Variants in ADAMTS17 observed in about 807,000 individuals in gnomAD.
ADAMTS17 encodes ADAM metallopeptidase with thrombospondin type 1 motif 17.
Under a neutral mutation model 141.5 loss-of-function variants are expected in ADAMTS17, and 113 were observed. That is an observed-to-expected ratio of 0.80 (90% CI 0.69 to 0.93). ADAMTS17 has a LOEUF of 0.93. Ranked by LOEUF, ADAMTS17 falls within the 40% of genes least tolerant of loss-of-function variation. The pLI, the probability that ADAMTS17 is intolerant of heterozygous loss-of-function variation, is 0.00. For synonymous variants in ADAMTS17, 768 were observed against 630.6 expected (o/e 1.22, Z -3.27); for missense variants, 1,659 against 1,517.9 (o/e 1.09, Z -1.54).
chr15:100,339,209 G>A (rs925348622), intron 2 of ADAMTS17: 17 of 976,326 alleles, frequency 1.7e-5, no homozygotes, highest in East Asian at 2.3e-4. Flanking sequence ...CAGTCTTGCC[G>A]AGAAGCTGGC....
intron 4 of ADAMTS17, among the ~76,000 whole-genome samples, chr15:100,270,976 C>A (rs974453891): frequency 1.3e-5 from 2 of 151,824 alleles, no homozygotes; most frequent in Admixed American, 1.3e-4. Flanking sequence ...ATTCACTACC[C>A]TACGTAAGTG....
chr15:100,213,577 G>A (rs964056988), intron 7 of ADAMTS17, among the ~76,000 whole-genome samples: 3 of 152,132 alleles, frequency 2.0e-5, no homozygotes, highest in East Asian at 1.9e-4. Context: ...ACTCTCTCTC[G>A]GTCTAACATA....
At chr15:100,165,514 T>C (rs1388659493) in intron 8 of ADAMTS17, among the ~76,000 whole-genome samples, 5 of 152,262 alleles carry the variant, frequency 3.3e-5, no homozygotes, top group South Asian at 4.1e-4. Context: ...CTTCCCACAA[T>C]GTCCTCACTG....
intron 7 of ADAMTS17, among the ~76,000 whole-genome samples, chr15:100,220,478 T>G (rs2042100138): frequency 6.6e-6 from 1 of 152,196 alleles, no homozygotes; most frequent in South Asian, 2.1e-4. Flanking sequence ...ACTGATAATA[T>G]TTTCTCCCAT....
At chr15:100,090,989 CAG>C (rs1483888206) in intron 15 of ADAMTS17, among the ~76,000 whole-genome samples, 4 of 127,390 alleles carry the variant, frequency 3.1e-5, no homozygotes, top group African/African-American at 1.2e-4. Context: ...GCCTGGGAGG[CAG>C]AGTGAGACTC....
intron 7 of ADAMTS17, among the ~76,000 whole-genome samples, chr15:100,202,018 A>C (rs1290819039): frequency 6.6e-6 from 1 of 152,206 alleles, no homozygotes; most frequent in African/African-American, 2.4e-5. Flanking sequence ...AATTAGAAAC[A>C]ATCAGATCTG....
intron 12 of ADAMTS17, among the ~76,000 whole-genome samples, chr15:100,120,662 C>A (rs2037406061): frequency 6.6e-6 from 1 of 152,232 alleles, no homozygotes; most frequent in Non-Finnish European, 1.5e-5. Context: ...CCTGATAAGA[C>A]CTTCAGCTTT....
chr15:100,272,430 T>C (rs1472985008), intron 4 of ADAMTS17, among the ~76,000 whole-genome samples: 4 of 151,934 alleles, frequency 2.6e-5, no homozygotes, highest in Non-Finnish European at 5.9e-5. Context: ...AATTCCTAAG[T>C]ATTTTATTCT....
At chr15:100,335,754 A>G (rs1008089471) in intron 2 of ADAMTS17, among the ~76,000 whole-genome samples, 2 of 152,158 alleles carry the variant, frequency 1.3e-5, no homozygotes, top group African/African-American at 4.8e-5. Flanking sequence ...CATTCTACCA[A>G]CAGCCTTGCA....
intron 15 of ADAMTS17, chr15:100,063,904 T>G (rs961001106): frequency 4.2e-5 from 20 of 474,252 alleles, no homozygotes; most frequent in African/African-American, 4.0e-4. Context: ...GAGGCTCTCC[T>G]AAGGCCAGGA....
At chr15:100,021,388 C>G (rs564705367) in intron 18 of ADAMTS17, among the ~76,000 whole-genome samples, 1 of 152,178 alleles carries the variant, frequency 6.6e-6, no homozygotes, top group Non-Finnish European at 1.5e-5. Flanking sequence ...CCAACCACCA[C>G]GAAGGATCTC....
intron 7 of ADAMTS17, among the ~76,000 whole-genome samples, chr15:100,206,640 G>A (rs2041576996): frequency 6.6e-6 from 1 of 152,190 alleles, no homozygotes; most frequent in Non-Finnish European, 1.5e-5. Flanking sequence ...GTTTTAGGTG[G>A]GGGTGAGGCT....
At chr15:100,026,948 G>A (rs2061526015) in intron 18 of ADAMTS17, among the ~76,000 whole-genome samples, 1 of 152,214 alleles carries the variant, frequency 6.6e-6, no homozygotes, top group South Asian at 2.1e-4. Context: ...CCACGTCCTT[G>A]CCAAAACATA....
At chr15:100,004,311 A>G (rs2060991626) in intron 18 of ADAMTS17, among the ~76,000 whole-genome samples, 1 of 152,226 alleles carries the variant, frequency 6.6e-6, no homozygotes, top group Non-Finnish European at 1.5e-5. Flanking sequence ...TATGGGCAGA[A>G]AATGACTTCC....
At chr15:100,213,502 G>A (rs1055589934) in intron 7 of ADAMTS17, among the ~76,000 whole-genome samples, 2 of 152,086 alleles carry the variant, frequency 1.3e-5, no homozygotes, top group African/African-American at 4.8e-5. Context: ...ACACACCCCG[G>A]GAACATCCCA....
chr15:100,021,369 C>G (rs1025021719), intron 18 of ADAMTS17, among the ~76,000 whole-genome samples: 2 of 152,164 alleles, frequency 1.3e-5, no homozygotes, highest in Non-Finnish European at 2.9e-5. Flanking sequence ...ACCACTAAGT[C>G]CCACCAAGCC....
chr15:100,148,138 C>T (rs759122306), intron 10 of ADAMTS17, among the ~76,000 whole-genome samples: 1 of 152,232 alleles, frequency 6.6e-6, no homozygotes, highest in Non-Finnish European at 1.5e-5. Flanking sequence ...TCTCAAGATA[C>T]TTAGCCACAC....
At chr15:100,082,034 C>T (rs141419055) in intron 15 of ADAMTS17, among the ~76,000 whole-genome samples, 2,233 of 152,254 alleles carry the variant, frequency 0.015, 25 homozygotes, top group Non-Finnish European at 0.021. Flanking sequence ...GTCTATCAGT[C>T]TATCATCTGT....
rs1172296804 is a variant in ADAMTS17 at position 99,993,613 on chromosome 15, C to G, written c.2797-413G>C. Among the ~76,000 whole-genome samples the G allele has an allele frequency of 6.6e-6, 1 of 152,206 alleles. No individual in the cohort carries two copies. The highest frequency in any genetic ancestry group is 1.5e-5 in the Non-Finnish European group (1 of 68,042). On this transcript the variant is annotated intron_variant, in intron 19 of 21. Transcript: ENST00000268070. The surrounding 1 kb of genome is among the most constrained non-coding windows in gnomAD (Gnocchi z 4.3). ...GGCCCTAAAGCTGAGTCCCAGGCCC[C>G]AGATCTTTCCAGCTGGCCTCCAGGT...
Sources: gnomAD v4.1 joint callset for allele counts (sites outside exome capture counted in the v4.1 genomes callset) on GRCh38, gnomAD v4.1.1 for gene constraint, Gnocchi (gnomAD v3.1) non-coding constraint, MANE v1.5 for transcripts, NCBI Gene and HGNC (gene_info 2026-07-23, HGNC 2026-07-21) for gene names.